IFIH1: variants seen among roughly 807,000 people sequenced by gnomAD.
The protein encoded by IFIH1 is interferon-induced helicase C domain-containing protein 1.
In IFIH1, 125 loss-of-function variants were observed where a neutral mutation model predicts 107.4. The ratio of observed to expected loss-of-function variants is 1.16; its 90% CI spans 1.01 to 1.35. The LOEUF is 1.35. IFIH1 is among the 40% of genes most tolerant of loss of function. The pLI is 0.00. For synonymous variants in IFIH1, 458 were observed against 413.2 expected, an observed-to-expected ratio of 1.11 and a Z score of -1.31; for missense variants, 1,333 against 1,213.7, an observed-to-expected ratio of 1.10 and a Z score of -1.46.
In IFIH1 at chr2:162,267,194, C is replaced by T. The variant is rs11891191; in HGVS notation, c.*6G>A. ...ATAGTATTTTAAAAGAATCTTCAATCAAGTGCTAATCCTCATCACTAAATA... is the reference window on the plus strand; with the variant it reads ...ATAGTATTTTAAAAGAATCTTCAATTAAGTGCTAATCCTCATCACTAAATA... On this transcript the variant is annotated 3_prime_UTR_variant, in exon 16 of 16. Coordinates refer to ENST00000649979, the MANE Select transcript of IFIH1 (RefSeq NM_022168.4). The T allele has an allele frequency of 0.017, 26,454 of 1,552,720 alleles. 4,025 individuals are homozygous for T. The African/African-American group carries it at 0.33, about 19-fold the overall frequency.
Position 162,282,468 on chromosome 2 carries a change from C to A in IFIH1, c.1204G>T (p.Glu402Ter), listed in dbSNP as rs2105203179. 7 of 1,611,506 alleles carry A rather than the reference C, an allele frequency of 4.3e-6. 1 individual carries two copies. In the Middle Eastern group the frequency reaches 1.2e-3, roughly 267 times the overall value. Residue 402 changes from glutamate to a stop codon, truncating the protein, a stop_gained, in exon 6 of 16, where the codon GAA (glutamate) becomes TAA (stop). Transcript: ENST00000649979. LOFTEE classifies it high-confidence loss of function. ...GDTQLKISFPEVVKSCDIIIS... is the reference protein window; with the variant it reads ...GDTQLKISFP ...ATAATATCACAGGACTTGACAACTT[C>A]TGGAAATGATATTTTCAGTTGGGTA...
chr2:162,296,352 G>C (rs1350893564), intron 3 of IFIH1, among the ~76,000 whole-genome samples: 1 of 152,122 alleles, frequency 6.6e-6, no homozygotes, highest in Non-Finnish European at 1.5e-5. Flanking sequence ...GTGTCAGGAA[G>C]ACACTGAACT....
intron 2 of IFIH1, among the ~76,000 whole-genome samples, chr2:162,308,208 G>T (rs968702285): frequency 8.5e-5 from 13 of 152,098 alleles, no homozygotes; most frequent in African/African-American, 3.1e-4. Context: ...TGACAGCAGG[G>T]TCAATGTCTG....
chr2:162,277,003 T>G (rs970346328), intron 10 of IFIH1, 57 bp from the exon 11 acceptor site: 6 of 1,256,096 alleles, frequency 4.8e-6, no homozygotes, highest in African/African-American at 1.5e-5. Context: ...CACTCCACAA[T>G]GTACAGATAT....
At position 162,276,695 on chromosome 2, in the gene IFIH1, T is replaced by C. The variant is rs751588218; in HGVS notation, c.2296A>G (p.Met766Val). ...CAAAAGGATATTTATACCTGTGTCA[T>C]GGGTTTGAACTCACTGCTGTGTCCA... ...GAGHSSEFKP[M>V]TQNEQKEVIS... Residue 766 changes from methionine (M) to valine (V), a missense_variant, in exon 11 of 16, where the codon ATG (methionine) becomes GTG (valine). Physicochemically the swap from Met to Val is conservative, Grantham distance 21. Transcript: ENST00000649979. The C allele has an allele frequency of 6.2e-7, 1 of 1,608,610 alleles. No homozygotes were observed. The highest frequency in any genetic ancestry group is 1.3e-5 in the African/African-American group (1 of 74,640).
At chr2:162,278,849 T>C (rs1682756813) in intron 8 of IFIH1, among the ~76,000 whole-genome samples, 2 of 152,060 alleles carry the variant, frequency 1.3e-5, no homozygotes, top group Admixed American at 6.6e-5. Context: ...GAAGTCAAGA[T>C]AGTAGTGATT....
chr2:162,277,753 C>T, intron 9 of IFIH1, 60 bp from the exon 10 acceptor site: 3 of 1,523,132 alleles, frequency 2.0e-6, no homozygotes, highest in Non-Finnish European at 2.6e-6. Context: ...TAAAATTGTG[C>T]CATGGACTTG....
intron 3 of IFIH1, among the ~76,000 whole-genome samples, chr2:162,297,954 T>C (rs944582980): frequency 2.0e-5 from 3 of 152,074 alleles, no homozygotes; most frequent in Non-Finnish European, 4.4e-5. Context: ...TTAACTGAAA[T>C]CCAAGAAATT....
chr2:162,285,952 G>T (rs958055579), intron 5 of IFIH1, among the ~76,000 whole-genome samples: 4 of 152,006 alleles, frequency 2.6e-5, no homozygotes, highest in African/African-American at 9.7e-5. Context: ...TTGATTCTAT[G>T]ACAAGGTCCA....
At chr2:162,289,944 T>G (rs1200455366) in intron 4 of IFIH1, among the ~76,000 whole-genome samples, 1 of 151,958 alleles carries the variant, frequency 6.6e-6, no homozygotes, top group African/African-American at 2.4e-5. Flanking sequence ...CTGATTTATT[T>G]AAGAACAATG....
chr2:162,289,628 T>TCTA (rs1490886476), intron 4 of IFIH1, among the ~76,000 whole-genome samples: 9 of 151,950 alleles, frequency 5.9e-5, no homozygotes, highest in African/African-American at 2.2e-4. Context: ...CCTGGATAAT[T>TCTA]CTATTTGAGT....
At chr2:162,290,159 CTT>C (rs1258788467) in intron 4 of IFIH1, among the ~76,000 whole-genome samples, 1 of 151,738 alleles carries the variant, frequency 6.6e-6, no homozygotes, top group African/African-American at 2.4e-5. Flanking sequence ...AATAAATCCT[CTT>C]TGTTTAATTT....
intron 3 of IFIH1, 59 bp downstream of exon 3, chr2:162,306,650 C>T (rs1039871535): frequency 7.1e-6 from 10 of 1,400,512 alleles, no homozygotes; most frequent in Non-Finnish European, 1.0e-5. Flanking sequence ...AGGTTCTGCC[C>T]AGTTGGTTTT....
At chr2:162,298,813 C>T (rs562600163) in intron 3 of IFIH1, among the ~76,000 whole-genome samples, 4 of 152,164 alleles carry the variant, frequency 2.6e-5, no homozygotes, top group African/African-American at 9.6e-5. Context: ...CACACACACT[C>T]ACATTTTGGT....
intron 11 of IFIH1, 21 bp downstream of exon 11, chr2:162,276,666 C>A: frequency 6.3e-7 from 1 of 1,576,842 alleles, no homozygotes. Flanking sequence ...GAAAAGAAGT[C>A]GTCCAAAAGG....
intron 2 of IFIH1, among the ~76,000 whole-genome samples, chr2:162,309,877 A>T (rs756892541): frequency 9.2e-5 from 14 of 152,238 alleles, no homozygotes; most frequent in Non-Finnish European, 1.6e-4. Flanking sequence ...ATCCAAATCC[A>T]TTACTTGTGA....
intron 11 of IFIH1, among the ~76,000 whole-genome samples, chr2:162,275,117 C>T (rs1416515219): frequency 3.3e-5 from 5 of 152,170 alleles, no homozygotes; most frequent in African/African-American, 1.2e-4. Flanking sequence ...CTTCAAGTCA[C>T]ATCACATAGA....
chr2:162,288,435 C>A (rs747850590), intron 4 of IFIH1, 80 bp from the exon 5 acceptor site: 26 of 991,684 alleles, frequency 2.6e-5, no homozygotes, highest in Non-Finnish European at 3.8e-5. Context: ...GAACGTAGGC[C>A]TCTTGTGCTT....
At position 162,309,269 on chromosome 2, in the gene IFIH1, C is replaced by T. The variant is rs74759875; in HGVS notation, c.622+1496G>A. 4.5e-3 allele frequency among the ~76,000 whole-genome samples: 680 copies of T among 152,300 alleles called. 30 individuals are homozygous for T. In the East Asian group the frequency reaches 0.11, roughly 24 times the overall value. On this transcript the variant is annotated intron_variant, in intron 2 of 15. Coordinates refer to ENST00000649979, the MANE Select transcript of IFIH1 (RefSeq NM_022168.4). ...CTCTCTAAGGGCTCCATCCACACAG[C>T]TTTCTGTGAGGATAGCTCTGCTTCT...
Sources: gnomAD v4.1 joint callset for allele counts (sites outside exome capture counted in the v4.1 genomes callset) on GRCh38, gnomAD v4.1.1 for gene constraint, MANE v1.5 for transcripts, NCBI Gene and HGNC (gene_info 2026-07-23, HGNC 2026-07-21) for gene names.